Variants in BSPH1 observed in about 807,000 individuals in gnomAD.
BSPH1 encodes the protein binder of sperm 1.
BSPH1 carries 21 observed loss-of-function variants against 22.5 expected under a neutral mutation model. The observed-to-expected ratio is 0.93, with a 90% CI of 0.66 to 1.35. BSPH1 has a LOEUF of 1.35. BSPH1 is among the 40% of genes most tolerant of loss of function. The pLI, the probability that BSPH1 is intolerant of heterozygous loss-of-function variation, is 0.00. For missense variants in BSPH1, 141 were observed against 154.2 expected (o/e 0.91, Z 0.45); for synonymous variants, 42 against 53.6 (o/e 0.78, Z 0.95).
chr19:47,971,316 C>G (rs1969309299), intron 5 of BSPH1, among the ~76,000 whole-genome samples: 1 of 152,188 alleles, frequency 6.6e-6, no homozygotes, highest in East Asian at 1.9e-4. Flanking sequence ...AGCGATTCTC[C>G]TGCCTCAGCC....
intron 1 of BSPH1, among the ~76,000 whole-genome samples, chr19:47,986,758 A>G (rs901888770): frequency 6.6e-6 from 1 of 152,052 alleles, no homozygotes; most frequent in Non-Finnish European, 1.5e-5. Context: ...ATAAAATAAA[A>G]TAAAATAAAA....
At chr19:47,990,577 T>C (rs752685556) in intron 1 of BSPH1, among the ~76,000 whole-genome samples, 37 of 150,008 alleles carry the variant, frequency 2.5e-4, no homozygotes, top group Non-Finnish European at 4.9e-4. Flanking sequence ...ATTGGGAGTA[T>C]ATTTTCTTTT....
At chr19:47,972,411 A>G (rs966578607) in intron 5 of BSPH1, among the ~76,000 whole-genome samples, 10 of 151,724 alleles carry the variant, frequency 6.6e-5, no homozygotes, top group African/African-American at 2.4e-4. Context: ...AGTGCTTTAT[A>G]GGTAATTTTT....
At chr19:47,976,614 T>G in intron 5 of BSPH1, 96 bp downstream of exon 5, 1 of 629,438 alleles carries the variant, frequency 1.6e-6, no homozygotes, top group Non-Finnish European at 2.6e-6. Context: ...AAACCCTCTC[T>G]AATGAGAAAG....
intron 1 of BSPH1, among the ~76,000 whole-genome samples, chr19:47,987,829 C>CA (rs967333132): frequency 4.6e-5 from 7 of 151,714 alleles, no homozygotes; most frequent in African/African-American, 1.7e-4. Context: ...TTATCTCTAC[C>CA]AAAATTACAA....
intron 1 of BSPH1, chr19:47,981,772 C>CTT: frequency 2.4e-5 from 20 of 827,826 alleles, no homozygotes; most frequent in South Asian, 1.1e-4. Context: ...GATAGCTTTA[C>CTT]TTTTTTTTTT....
chr19:47,977,129 T>C (rs1364011124), intron 4 of BSPH1, among the ~76,000 whole-genome samples: 1 of 152,248 alleles, frequency 6.6e-6, no homozygotes, highest in Non-Finnish European at 1.5e-5. Context: ...TGGTGGGGGA[T>C]TCAGATCCCA....
chr19:47,973,979 C>T (rs745861733), intron 5 of BSPH1, among the ~76,000 whole-genome samples: 15 of 152,204 alleles, frequency 9.9e-5, no homozygotes, highest in Admixed American at 7.2e-4. Flanking sequence ...ACCCAAACAT[C>T]GCCCTTCTCA....
intron 5 of BSPH1, among the ~76,000 whole-genome samples, chr19:47,972,135 G>A (rs1310573861): frequency 1.3e-5 from 2 of 152,202 alleles, no homozygotes; most frequent in South Asian, 2.1e-4. Flanking sequence ...CACTTTCCTC[G>A]TCTTCAACAT....
chr19:47,991,258 T>C (rs1401427839), intron 1 of BSPH1, among the ~76,000 whole-genome samples: 1 of 152,064 alleles, frequency 6.6e-6, no homozygotes, highest in Non-Finnish European at 1.5e-5. Context: ...GAGCCCCATG[T>C]GCCGGGCCAT....
intron 1 of BSPH1, among the ~76,000 whole-genome samples, chr19:47,989,107 C>CGTT (rs1969498356): frequency 7.8e-6 from 1 of 128,400 alleles, no homozygotes; most frequent in South Asian, 2.5e-4. Context: ...ATCAAGTCAC[C>CGTT]GTTTTATTAT....
chr19:47,991,044 G>A (rs956849700), intron 1 of BSPH1, among the ~76,000 whole-genome samples: 1 of 151,562 alleles, frequency 6.6e-6, no homozygotes, highest in Middle Eastern at 3.2e-3. Flanking sequence ...GGAAGGGAGA[G>A]TATCTTTTTC....
intron 5 of BSPH1, among the ~76,000 whole-genome samples, chr19:47,975,945 G>A (rs1969358904): frequency 1.3e-5 from 2 of 152,004 alleles, no homozygotes; most frequent in Non-Finnish European, 2.9e-5. Context: ...GTGAGCCACC[G>A]TGCCCGGCCA....
At chr19:47,976,992 C>A in intron 4 of BSPH1, 138 bp from the exon 5 acceptor site, 2 of 800,442 alleles carry the variant, frequency 2.5e-6, no homozygotes, top group Non-Finnish European at 3.9e-6. Context: ...TACACATGCA[C>A]ACTCACACAG....
intron 1 of BSPH1, among the ~76,000 whole-genome samples, chr19:47,990,738 G>A (rs145743156): frequency 5.9e-5 from 9 of 152,060 alleles, no homozygotes; most frequent in African/African-American, 1.9e-4. Context: ...CTCATCAAAC[G>A]TTGTCAGATG....
At chr19:47,967,955 C>T (rs936146479), downstream of BSPH1, 1 of 152,156 alleles carries the variant, frequency 6.6e-6, no homozygotes, top group Non-Finnish European at 1.5e-5. Context: ...ATGTGAGGTG[C>T]CCGAAGGAAG....
chr19:47,972,202 T>G (rs903830448), intron 5 of BSPH1, among the ~76,000 whole-genome samples: 1 of 151,632 alleles, frequency 6.6e-6, no homozygotes, highest in Admixed American at 6.6e-5. Flanking sequence ...AACAAGGGAG[T>G]GGTGTTGAAA....
intron 2 of BSPH1, among the ~76,000 whole-genome samples, chr19:47,979,869 T>G (rs993613088): frequency 2.6e-5 from 4 of 152,152 alleles, no homozygotes; most frequent in Admixed American, 1.3e-4. Context: ...TCACTGATGT[T>G]AAACAGAATG....
chr19:47,977,363 G>A lies in BSPH1; in HGVS notation c.256+10C>T, dbSNP rs945598730. On this transcript the variant is annotated intron_variant, in intron 4 of 5. Coordinates refer to ENST00000344839, the MANE Select transcript of BSPH1 (RefSeq NM_001128326.2). ...TACTGCTCTGAGGTATTTAGAGACA[G>A]GACACTCACCTTCTGCACTGCAAAA... 1.3e-6 allele frequency: 2 copies of A among 1,549,542 alleles called. No individual in the cohort carries two copies. The highest frequency in any genetic ancestry group is 3.9e-5 in the Admixed American group (2 of 50,922).
Sources: allele counts gnomAD v4.1 joint callset (sites outside exome capture counted in the v4.1 genomes callset), GRCh38; gene constraint gnomAD v4.1.1; transcripts MANE v1.5; gene names NCBI Gene and HGNC (gene_info 2026-07-23, HGNC 2026-07-21).